The following LRP12 variants were observed in gnomAD, a reference collection of about 807,000 sequenced individuals.
LRP12 encodes low-density lipoprotein receptor-related protein 12.
Under a neutral mutation model 66.0 loss-of-function variants are expected in LRP12, and 14 were observed. The ratio of observed to expected loss-of-function variants is 0.21; its 90% CI spans 0.14 to 0.33. LRP12 has a LOEUF of 0.33. Among genes scored for constraint, LRP12 ranks in the 10% least tolerant of loss-of-function variants. LRP12 has a pLI of 1.00. For synonymous variants in LRP12, 357 were observed against 359.1 expected (o/e 0.99, Z 0.07); for missense variants, 889 against 1,053.4 (o/e 0.84, Z 2.16).
chr8:104,492,930 A>C (rs1369593616), intron 6 of LRP12, among the ~76,000 whole-genome samples: 1 of 152,194 alleles, frequency 6.6e-6, no homozygotes, highest in Non-Finnish European at 1.5e-5. Context: ...TGAGCATGCA[A>C]GTTTTAAGGC....
At chr8:104,537,447 C>A (rs1018552202) in intron 1 of LRP12, among the ~76,000 whole-genome samples, 1 of 152,126 alleles carries the variant, frequency 6.6e-6, no homozygotes, top group Non-Finnish European at 1.5e-5. Context: ...TAAATAAACA[C>A]TTCCATCTCA....
Position 104,588,996 on chromosome 8 carries a change from G to T in LRP12, c.-99C>A, listed in dbSNP as rs1368499711. 9 of 877,196 alleles carry T rather than the reference G, an allele frequency of 1.0e-5. 1 individual carries two copies. In the Admixed American group the frequency reaches 1.5e-4, roughly 14 times the overall value. The allele number at this position is 877,196 out of a possible 1,614,324, so 54.3% of individuals were successfully genotyped here. A position where few individuals can be genotyped will look rare whatever the true frequency, so the allele number is the denominator to read the frequency against. ...CGCCGCCGCCGCCGCCGCCGCCGCC[G>T]CCGAGCCACCGGCTGCTCCCTGCGC... On this transcript the variant is annotated 5_prime_UTR_variant, in exon 1 of 7. Transcript: ENST00000276654.
In LRP12 at chr8:104,508,897, T is replaced by A. The variant is rs1370812542; in HGVS notation, c.272+42A>T. On this transcript the variant is annotated intron_variant, in intron 3 of 6. Transcript: ENST00000276654. ...ATAATAAATGAAAATGGAATTTATG[T>A]TTTGTAATAAATTATATAGTAATAC... 2.7e-6 allele frequency: 4 copies of A among 1,506,546 alleles called. No homozygotes were observed. In the East Asian group the frequency reaches 9.3e-5, roughly 35 times the overall value. The allele number at this position is 1,506,546 out of a possible 1,614,324, so 93.3% of individuals were successfully genotyped here.
intron 1 of LRP12, among the ~76,000 whole-genome samples, chr8:104,545,089 GTAT>G (rs1234482549): frequency 6.6e-6 from 1 of 152,178 alleles, no homozygotes; most frequent in Admixed American, 6.5e-5. Flanking sequence ...CAACCCTCAT[GTAT>G]GACCTCTGAG....
chr8:104,540,372 T>G, intron 1 of LRP12, among the ~76,000 whole-genome samples: 1 of 152,160 alleles, frequency 6.6e-6, no homozygotes, highest in Non-Finnish European at 1.5e-5. Context: ...GTAGTCCAAA[T>G]AGACTCATAT....
chr8:104,580,403 G>A (rs1812231403), intron 1 of LRP12, among the ~76,000 whole-genome samples: 1 of 150,940 alleles, frequency 6.6e-6, no homozygotes. Flanking sequence ...GGTGGTGGGT[G>A]CTTGTAGTCC....
chr8:104,549,271 C>T (rs894439811), intron 1 of LRP12, among the ~76,000 whole-genome samples: 3 of 152,066 alleles, frequency 2.0e-5, no homozygotes, highest in African/African-American at 7.2e-5. Flanking sequence ...GCTTCCTTAC[C>T]TATCATTTAC....
intron 6 of LRP12, among the ~76,000 whole-genome samples, chr8:104,493,549 C>A (rs1191014448): frequency 2.0e-5 from 3 of 152,202 alleles, no homozygotes; most frequent in Non-Finnish European, 4.4e-5. Flanking sequence ...AAAGCAGTGT[C>A]TTTGCCTGGG....
chr8:104,561,336 T>A (rs1429348721), intron 1 of LRP12, among the ~76,000 whole-genome samples: 3 of 152,194 alleles, frequency 2.0e-5, no homozygotes, highest in Non-Finnish European at 4.4e-5. Context: ...CTCCTTACCC[T>A]ACTTTTCATA....
Position 104,588,964 on chromosome 8 carries a change from A to ACGACGCCGCCGC in LRP12, c.-68_-67insGCGGCGGCGTCG, listed in dbSNP as rs548846399. The ACGACGCCGCCGC allele has an allele frequency of 1.2e-4, 108 of 905,916 alleles. 1 individual carries two copies. The African/African-American group carries it at 2.5e-3, about 21-fold the overall frequency. The allele number at this position is 905,916 out of a possible 1,614,324, so 56.1% of individuals were successfully genotyped here. A position where few individuals can be genotyped will look rare whatever the true frequency, so the allele number is the denominator to read the frequency against. On this transcript the variant is annotated 5_prime_UTR_variant, in exon 1 of 7. Coordinates refer to ENST00000276654, the MANE Select transcript of LRP12 (RefSeq NM_013437.5). The stretch of plus-strand genomic sequence containing the variant: ...AGGGAGGAGAAGCTGGAGGTAGACG[A>ACGACGCCGCCGC]CGCCGACGCCGCCGCCGCCGCCGCC...
chr8:104,577,231 C>G (rs1237014818), intron 1 of LRP12, among the ~76,000 whole-genome samples: 1 of 152,128 alleles, frequency 6.6e-6, no homozygotes, highest in Non-Finnish European at 1.5e-5. Flanking sequence ...ATCAAACAGA[C>G]CTGACAGATA....
intron 3 of LRP12, among the ~76,000 whole-genome samples, chr8:104,503,047 T>C (rs1159429006): frequency 6.6e-6 from 1 of 152,078 alleles, no homozygotes; most frequent in African/African-American, 2.4e-5. Context: ...TAGTTGGGCG[T>C]GGTTTTTAAT....
intron 1 of LRP12, among the ~76,000 whole-genome samples, chr8:104,573,363 A>T (rs1197344849): frequency 6.6e-6 from 1 of 152,168 alleles, no homozygotes; most frequent in African/African-American, 2.4e-5. Context: ...ACTTGAGCTC[A>T]GTCCTCATTT....
chr8:104,575,350 G>A (rs1286966351), intron 1 of LRP12, among the ~76,000 whole-genome samples: 1 of 152,222 alleles, frequency 6.6e-6, no homozygotes, highest in Admixed American at 6.5e-5. Flanking sequence ...AACACCCACA[G>A]GAAGGCAGGC....
chr8:104,515,549 A>G (rs1276506695), intron 2 of LRP12, among the ~76,000 whole-genome samples: 4 of 152,196 alleles, frequency 2.6e-5, no homozygotes, highest in Non-Finnish European at 5.9e-5. Context: ...AAGGTGCAAA[A>G]TGCAGATGGA....
rs1810787648 is a variant in LRP12, at chr8:104,499,334, C to T, written c.458G>A (p.Arg153Lys). ...AAACACACCTGAAAAATATGCCAGT[C>T]TGAAACCCTTTCTAGAGATGTTGTC... ...SDDNISRKGF[R>K]LAYFSGKSEE... Residue 153 changes from arginine to lysine, a missense_variant, in exon 4 of 7, where the codon AGA becomes AAA. Physicochemically the swap from Arg to Lys is conservative, Grantham distance 26. This residue lies in a region of LRP12 where 800 missense variants were observed against 964.5 expected (regional missense o/e 0.83). Transcript: ENST00000276654. 1.9e-6 allele frequency: 3 copies of T among 1,612,674 alleles called. No homozygotes were observed. The highest frequency in any genetic ancestry group is 2.5e-6 in the Non-Finnish European group (3 of 1,179,610).
chr8:104,491,601 A>AC (rs528518747), intron 6 of LRP12, 62 bp from the exon 7 acceptor site: 84 of 1,312,502 alleles, frequency 6.4e-5, no homozygotes, highest in Admixed American at 1.0e-4. Flanking sequence ...AAAAAAAAAA[A>AC]AAAACACCCT....
chr8:104,508,211 T>C (rs567664180), intron 3 of LRP12: 2 of 152,298 alleles, frequency 1.3e-5, no homozygotes, highest in African/African-American at 4.8e-5. Context: ...ATGGCCTTGA[T>C]AGAATTTTCC....
intron 1 of LRP12, among the ~76,000 whole-genome samples, chr8:104,585,291 T>A (rs1187211469): frequency 6.6e-6 from 1 of 152,218 alleles, no homozygotes; most frequent in African/African-American, 2.4e-5. Flanking sequence ...AATCGTGCAA[T>A]CTTGGCTCAC....
Sources: allele counts gnomAD v4.1 joint callset (sites outside exome capture counted in the v4.1 genomes callset), GRCh38; gene constraint gnomAD v4.1.1; regional missense constraint gnomAD v4.1.1; transcripts MANE v1.5; gene names NCBI Gene and HGNC (gene_info 2026-07-23, HGNC 2026-07-21).